RRP9: variants seen among roughly 807,000 people sequenced by gnomAD.
RRP9 encodes the protein U3 small nucleolar RNA-interacting protein 2.
In RRP9, 35 loss-of-function variants were observed where a neutral mutation model predicts 65.5. That is an observed-to-expected ratio of 0.53 (90% CI 0.41 to 0.71). The LOEUF (loss-of-function observed/expected upper bound fraction) is 0.71, where lower values mean the gene tolerates loss of function less well. RRP9 is among the 30% of genes least tolerant of loss of function. The pLI is 0.00. For missense variants in RRP9, 533 were observed against 633.6 expected, an observed-to-expected ratio of 0.84 and a Z score of 1.70; for synonymous variants, 254 against 245.0, an observed-to-expected ratio of 1.04 and a Z score of -0.34.
Position 51,941,506 on chromosome 3 carries a change from G to T in RRP9, c.88-15C>A, listed in dbSNP as rs188908734. 6.1e-4 allele frequency: 984 copies of T among 1,613,046 alleles called. 5 individuals are homozygous for T. In the African/African-American group the frequency reaches 0.011, roughly 18 times the overall value. ...GCAGAGTCGGCCTGGGAATTATACG[G>T]TCTTTTCTTTGGTCAGGGGTCCAGA... On this transcript the variant is annotated splice_polypyrimidine_tract_variant and intron_variant, in intron 1 of 14. Transcript: ENST00000232888.
At position 51,937,077 on chromosome 3, in the gene RRP9, G is replaced by GCC; in HGVS notation, c.517+113_517+114dup. 1 of 1,358,600 alleles carries GCC rather than the reference G, an allele frequency of 7.4e-7. No homozygotes were observed. Among genetic ancestry groups the GCC allele is most frequent in the Non-Finnish European group, 1.0e-6 (1 of 981,498 alleles). 84.2% of individuals were successfully genotyped at this position (1,358,600 alleles called of 1,614,324 possible). A position where few individuals can be genotyped will look rare whatever the true frequency, so the allele number is the denominator to read the frequency against. Reference sequence around the variant, plus strand: ...AGAGCACTCCTAGGGCAGCAAACCTGCCTCCAGAGACTTCCCCACTTCAGG... The same window carrying GCC: ...AGAGCACTCCTAGGGCAGCAAACCTGCCCCTCCAGAGACTTCCCCACTTCAGG... On this transcript the variant is annotated intron_variant, in intron 6 of 14. Coordinates refer to ENST00000232888, the MANE Select transcript of RRP9 (RefSeq NM_004704.5). The surrounding 1 kb of genome is among the most constrained non-coding windows in gnomAD (Gnocchi z 5.0).
intron 2 of RRP9, among the ~76,000 whole-genome samples, chr3:51,940,925 C>T (rs1205698099): frequency 6.6e-6 from 1 of 152,160 alleles, no homozygotes; most frequent in Non-Finnish European, 1.5e-5. Flanking sequence ...TCTCTCAAGA[C>T]CCTATTTAAA....
chr3:51,938,553 T>G (rs563898904), intron 2 of RRP9, among the ~76,000 whole-genome samples: 1 of 152,172 alleles, frequency 6.6e-6, no homozygotes, highest in Non-Finnish European at 1.5e-5. Context: ...ACAGCAATAC[T>G]GAGAACAAGA....
In RRP9 at chr3:51,934,474, G is replaced by C. The variant is rs752258178; in HGVS notation, c.1258C>G (p.Leu420Val). ...RQLDLLCDIPLVGFINSLKFS... is the reference protein window; with the variant it reads ...RQLDLLCDIPVVGFINSLKFS... ...AGCATTCAAGCACACTCACTCACCA[G>C]GGGGATGTCACAGAGAAGGTCAAGC... The change falls in exon 13 of 15, where the codon CTG becomes GTG. Residue 420 changes from leucine to valine, a missense_variant and splice_region_variant. By Grantham distance (32) the Leu-to-Val change is conservative. This residue lies in a region of RRP9 where 449 missense variants were observed against 550.6 expected (regional missense o/e 0.82). Transcript: ENST00000232888. This position sits in a 1 kb window ranked among gnomAD's most constrained non-coding sequence, Gnocchi z 4.1. 3.1e-6 allele frequency: 5 copies of C among 1,613,084 alleles called. No individual in the cohort carries two copies. Among genetic ancestry groups the C allele is most frequent in the Non-Finnish European group, 4.2e-6 (5 of 1,179,414 alleles).
At position 51,937,435 on chromosome 3, in the gene RRP9, G is replaced by C. The variant is rs909133275; in HGVS notation, c.390+110C>G. 1 of 1,605,128 alleles carries C rather than the reference G, an allele frequency of 6.2e-7. No individual in the cohort carries two copies. The highest frequency in any genetic ancestry group is 8.5e-7 in the Non-Finnish European group (1 of 1,172,912). ...GGCCAGAAGGAAAACAAGACCCAAG[G>C]CTACAACAACCAGATCCTTACCTGA... is the stretch of plus-strand genomic sequence containing the variant. On this transcript the variant is annotated intron_variant, in intron 5 of 14. Coordinates refer to ENST00000232888, the MANE Select transcript of RRP9 (RefSeq NM_004704.5). This position sits in a 1 kb window ranked among gnomAD's most constrained non-coding sequence, Gnocchi z 5.0.
chr3:51,937,470 C>T lies in RRP9; in HGVS notation c.390+75G>A, dbSNP rs1431993853. On this transcript the variant is annotated intron_variant, in intron 5 of 14. Coordinates refer to ENST00000232888, the MANE Select transcript of RRP9 (RefSeq NM_004704.5). The surrounding 1 kb of genome is among the most constrained non-coding windows in gnomAD (Gnocchi z 5.0). ...CCAGATCCTTACCTGACCAGATAGGCCCAAGTGTCCACCATGTTCCAAGTG... is the reference window on the plus strand; with the variant it reads ...CCAGATCCTTACCTGACCAGATAGGTCCAAGTGTCCACCATGTTCCAAGTG... The T allele has an allele frequency of 3.7e-6, 6 of 1,607,080 alleles. No homozygotes were observed. In the African/African-American group the frequency reaches 8.0e-5, roughly 21 times the overall value.
In RRP9 at chr3:51,933,929, T is replaced by C. The variant is rs566692400; in HGVS notation, c.1261-148A>G. 1.2e-4 allele frequency: 86 copies of C among 731,416 alleles called. 2 individuals carry two copies. The South Asian group carries it at 1.2e-3, about 10-fold the overall frequency. 45.3% of individuals were successfully genotyped at this position (731,416 alleles called of 1,614,324 possible). On this transcript the variant is annotated intron_variant, in intron 13 of 14. Coordinates refer to ENST00000232888, the MANE Select transcript of RRP9 (RefSeq NM_004704.5). ...CTGGTGACACAGGCCAGCCCTTCAC[T>C]TGTCAGGGCCTCAGCCTCCACATCT...
Position 51,936,573 on chromosome 3 carries a change from G to A in RRP9, c.518-18C>T. Reference sequence around the variant, plus strand: ...CACGCTCCCTGCAGTTGGGGGTGGGGGAGAAGCTACTGGGATGGGGGGATA... The same window carrying A: ...CACGCTCCCTGCAGTTGGGGGTGGGAGAGAAGCTACTGGGATGGGGGGATA... On this transcript the variant is annotated intron_variant, in intron 6 of 14. Coordinates refer to ENST00000232888, the MANE Select transcript of RRP9 (RefSeq NM_004704.5). 1.2e-6 allele frequency: 2 copies of A among 1,611,990 alleles called. No individual in the cohort carries two copies. Among genetic ancestry groups the A allele is most frequent in the Non-Finnish European group, 1.7e-6 (2 of 1,179,006 alleles).
chr3:51,940,493 T>C (rs1490277020), intron 2 of RRP9, among the ~76,000 whole-genome samples: 3 of 152,060 alleles, frequency 2.0e-5, no homozygotes, highest in Non-Finnish European at 4.4e-5. Context: ...ACAATCTACA[T>C]GCACTTATGA....
At chr3:51,935,546 C>A (rs1699448719) in intron 9 of RRP9, 46 bp downstream of exon 9, 1 of 1,613,456 alleles carries the variant, frequency 6.2e-7, no homozygotes. Context: ...CACACTCCCA[C>A]ACCCTCTCTC....
intron 1 of RRP9, 93 bp downstream of exon 1, chr3:51,941,688 G>A: frequency 1.6e-6 from 2 of 1,245,866 alleles, no homozygotes; most frequent in Non-Finnish European, 2.3e-6. Flanking sequence ...AGGGCGAAGG[G>A]CTGGGGAAGG....
At chr3:51,941,627 C>G in intron 1 of RRP9, 136 bp from the exon 2 acceptor site, 2 of 1,112,686 alleles carry the variant, frequency 1.8e-6, no homozygotes, top group Middle Eastern at 2.7e-4. Flanking sequence ...GAACGGCTTT[C>G]TAGGATTTGG....
Position 51,937,594 on chromosome 3 carries a change from G to A in RRP9, c.349-8C>T, listed in dbSNP as rs368997831. ...CCTGCCCCTCTGCTCAAGCTGCATG[G>A]AGAAGAGATGGATGAGACCCTGGGA... On this transcript the variant is annotated splice_polypyrimidine_tract_variant and splice_region_variant and intron_variant, in intron 4 of 14. Transcript: ENST00000232888. The surrounding 1 kb of genome is among the most constrained non-coding windows in gnomAD (Gnocchi z 5.0). 5.6e-6 allele frequency: 9 copies of A among 1,614,048 alleles called. No individual in the cohort carries two copies. The African/African-American group carries it at 1.1e-4, about 19-fold the overall frequency.
intron 2 of RRP9, among the ~76,000 whole-genome samples, chr3:51,941,095 C>T (rs1559745090): frequency 6.6e-6 from 1 of 152,212 alleles, no homozygotes; most frequent in Non-Finnish European, 1.5e-5. Context: ...TGCAGGAAAA[C>T]TGGCAAGGGA....
chr3:51,940,167 A>T (rs2106678276), intron 2 of RRP9, among the ~76,000 whole-genome samples: 1 of 152,266 alleles, frequency 6.6e-6, no homozygotes, highest in African/African-American at 2.4e-5. Flanking sequence ...GAGGCAGGAG[A>T]ATCACTTGAA....
intron 13 of RRP9, 30 bp from the exon 14 acceptor site, chr3:51,933,811 T>C (rs1358407235): frequency 1.9e-6 from 3 of 1,605,214 alleles, no homozygotes; most frequent in Non-Finnish European, 2.6e-6. Flanking sequence ...GGAAAGACAT[T>C]AGAACGCCCC....
rs755674100 is a variant in RRP9, at chr3:51,935,415, C to G, written c.898G>C (p.Ala300Pro). 6.2e-7 allele frequency: 1 copy of G among 1,614,190 alleles called. No individual in the cohort carries two copies. The highest frequency in any genetic ancestry group is 8.5e-7 in the Non-Finnish European group (1 of 1,180,042). ...CGTACAGTCCCATCCCGGCCCCCAG[C>G]CGTCACACAGCACTCCCGGCTCAAG... ...DALSRECCVT[A>P]GGRDGTVRVW... Residue 300 changes from alanine (A) to proline (P), a missense_variant, in exon 10 of 15, where the codon GCT becomes CCT. By Grantham distance (27) the Ala-to-Pro change is conservative. Transcript: ENST00000232888.
chr3:51,933,657 G>A (rs1350867688), intron 14 of RRP9, 51 bp downstream of exon 14: 18 of 1,610,492 alleles, frequency 1.1e-5, no homozygotes, highest in East Asian at 2.2e-5. Context: ...CATTTCCACC[G>A]AGCTGTCCAG....
chr3:51,941,680 G>A, intron 1 of RRP9, 101 bp downstream of exon 1: 1 of 1,211,214 alleles, frequency 8.3e-7, no homozygotes, highest in Admixed American at 2.0e-5. Context: ...AGGGGTCCAG[G>A]GCGAAGGGCT....
Sources: gnomAD v4.1 joint callset for allele counts (sites outside exome capture counted in the v4.1 genomes callset) on GRCh38, gnomAD v4.1.1 for gene constraint, gnomAD v4.1.1 regional missense constraint, Gnocchi (gnomAD v3.1) non-coding constraint, MANE v1.5 for transcripts, NCBI Gene and HGNC (gene_info 2026-07-23, HGNC 2026-07-21) for gene names.